The following KAZN variants were observed in gnomAD, a reference collection of about 807,000 sequenced individuals.
KAZN encodes the protein kazrin, periplakin interacting protein.
KAZN carries 40 observed loss-of-function variants against 87.4 expected under a neutral mutation model. The observed-to-expected ratio is 0.46, with a 90% CI of 0.36 to 0.60. The LOEUF (loss-of-function observed/expected upper bound fraction) is 0.60, where lower values mean the gene tolerates loss of function less well. KAZN is among the 20% of genes least tolerant of loss of function. KAZN has a pLI of 0.00. For synonymous variants in KAZN, 466 were observed against 458.3 expected (o/e 1.02, Z -0.22); for missense variants, 898 against 1,073.9 (o/e 0.84, Z 2.29).
chr1:14,059,365 C>T (rs1360801835), intron 1 of KAZN, among the ~76,000 whole-genome samples: 1 of 152,176 alleles, frequency 6.6e-6, no homozygotes, highest in Non-Finnish European at 1.5e-5. Context: ...GTGCAAGTCC[C>T]AGAGTCCAGA....
intron 1 of KAZN, among the ~76,000 whole-genome samples, chr1:14,641,517 C>T (rs1680404903): frequency 6.6e-6 from 1 of 152,166 alleles, no homozygotes; most frequent in South Asian, 2.1e-4. Flanking sequence ...CCCACCAGAC[C>T]ATGCCTGCGG....
At chr1:14,353,974 A>G (rs908331076) in intron 2 of KAZN, among the ~76,000 whole-genome samples, 1 of 152,200 alleles carries the variant, frequency 6.6e-6, no homozygotes, top group Non-Finnish European at 1.5e-5. Flanking sequence ...TTCTAAAACA[A>G]TATTTAATAA....
intron 2 of KAZN, among the ~76,000 whole-genome samples, chr1:14,452,987 C>G (rs1667357711): frequency 1.3e-5 from 2 of 151,936 alleles, no homozygotes; most frequent in Non-Finnish European, 2.9e-5. Flanking sequence ...ATGGAGTCTC[C>G]CTCTGTCACC....
intron 2 of KAZN, among the ~76,000 whole-genome samples, chr1:14,269,281 G>GA (rs1244246754): frequency 1.3e-5 from 2 of 151,758 alleles, no homozygotes; most frequent in Admixed American, 6.6e-5. Flanking sequence ...TGGTGAATAG[G>GA]AAAAAAGATG....
intron 1 of KAZN, among the ~76,000 whole-genome samples, chr1:13,961,224 G>A (rs1641737965): frequency 6.6e-6 from 1 of 152,064 alleles, no homozygotes; most frequent in African/African-American, 2.4e-5. Context: ...AAAGGAACTT[G>A]ACTTCTACTG....
chr1:14,623,147 A>G (rs1418877477), intron 1 of KAZN, among the ~76,000 whole-genome samples: 4 of 152,228 alleles, frequency 2.6e-5, no homozygotes, highest in Non-Finnish European at 5.9e-5. Context: ...AATATAAATC[A>G]TTCTGCCATA....
At chr1:14,006,629 T>A (rs1640048200) in intron 1 of KAZN, among the ~76,000 whole-genome samples, 1 of 152,222 alleles carries the variant, frequency 6.6e-6, no homozygotes, top group Non-Finnish European at 1.5e-5. Context: ...CTTGGTGCCC[T>A]GGTTGAAAAT....
rs1481082333 is a variant in KAZN at position 14,996,264 on chromosome 1, G to A, written c.418+35389G>A. The stretch of plus-strand genomic sequence containing the variant: ...GCCTTTCTCTTTCTTGTTCCCGTGT[G>A]TCTCTGTCCACCCAGACCAGCAAGC... On this transcript the variant is annotated intron_variant, in intron 2 of 14. Coordinates refer to ENST00000376030, the MANE Select transcript of KAZN (RefSeq NM_201628.3). This position sits in a 1 kb window ranked among gnomAD's most constrained non-coding sequence, Gnocchi z 5.9. 6.6e-6 allele frequency among the ~76,000 whole-genome samples: 1 copy of A among 152,096 alleles called. No homozygotes were observed. The highest frequency in any genetic ancestry group is 2.4e-5 in the African/African-American group (1 of 41,420).
chr1:14,589,814 G>A (rs1002142792), intron 2 of KAZN, among the ~76,000 whole-genome samples: 3 of 152,058 alleles, frequency 2.0e-5, no homozygotes, highest in Non-Finnish European at 4.4e-5. Context: ...CATATTTGGG[G>A]GAGAAAGTAC....
intron 2 of KAZN, among the ~76,000 whole-genome samples, chr1:14,421,031 A>G (rs1016908493): frequency 1.3e-5 from 2 of 152,196 alleles, no homozygotes; most frequent in African/African-American, 2.4e-5. Flanking sequence ...GTGGGCGCCG[A>G]GGCCAAGGAG....
At chr1:14,642,188 G>T (rs57431148) in intron 1 of KAZN, among the ~76,000 whole-genome samples, 1 of 152,020 alleles carries the variant, frequency 6.6e-6, no homozygotes, top group African/African-American at 2.4e-5. Context: ...TGACAAGCTC[G>T]GGAGATCGAG....
intron 2 of KAZN, among the ~76,000 whole-genome samples, chr1:14,366,240 C>T (rs1659985352): frequency 6.6e-6 from 1 of 152,178 alleles, no homozygotes. Flanking sequence ...TTATTTTTGT[C>T]TATGGCTCTT....
intron 2 of KAZN, among the ~76,000 whole-genome samples, chr1:14,298,498 A>G (rs1024498516): frequency 5.3e-5 from 8 of 152,112 alleles, no homozygotes; most frequent in African/African-American, 1.4e-4. Context: ...TTTGTAAACC[A>G]TTTCTCCTAC....
intron 2 of KAZN, among the ~76,000 whole-genome samples, chr1:14,301,338 G>T (rs1465619045): frequency 1.3e-5 from 2 of 152,252 alleles, no homozygotes; most frequent in Non-Finnish European, 2.9e-5. Flanking sequence ...CTGTACAAGT[G>T]TGGCTCTCCC....
intron 1 of KAZN, among the ~76,000 whole-genome samples, chr1:14,780,601 T>C (rs1229071359): frequency 6.6e-6 from 1 of 152,218 alleles, no homozygotes; most frequent in Non-Finnish European, 1.5e-5. Flanking sequence ...ATGCTATAAA[T>C]AAACCTCTTA....
chr1:14,094,573 C>T (rs1234310037), intron 1 of KAZN, among the ~76,000 whole-genome samples: 2 of 152,032 alleles, frequency 1.3e-5, no homozygotes, highest in African/African-American at 2.4e-5. Context: ...TACTAATAGA[C>T]AAAAATTTCC....
At chr1:14,752,481 T>C (rs1644439734) in intron 1 of KAZN, among the ~76,000 whole-genome samples, 1 of 152,124 alleles carries the variant, frequency 6.6e-6, no homozygotes, top group South Asian at 2.1e-4. Context: ...CTCTCATAGC[T>C]CTGGAGGCTG....
intron 2 of KAZN, among the ~76,000 whole-genome samples, chr1:14,478,491 G>A (rs746198746): frequency 1.3e-5 from 2 of 152,154 alleles, no homozygotes; most frequent in Non-Finnish European, 2.9e-5. Flanking sequence ...TCACTATTTT[G>A]TTTCCTTCCA....
Position 14,565,170 on chromosome 1 carries a change from T to C in KAZN, c.250-33813T>C, listed in dbSNP as rs568398999. ...TAATTGTAGCATCCTTTCCTCTCCC[T>C]CCCTGCCCTTCCTTAGAAGTCAGGC... On this transcript the variant is annotated intron_variant, in intron 2 of 16. Transcript: ENST00000636203. Among the ~76,000 whole-genome samples the C allele has an allele frequency of 4.8e-4, 73 of 152,280 alleles. 1 individual carries two copies. The highest frequency in any genetic ancestry group is 1.5e-3 in the African/African-American group (63 of 41,554).
Sources: allele counts gnomAD v4.1 joint callset (sites outside exome capture counted in the v4.1 genomes callset), GRCh38; gene constraint gnomAD v4.1.1; non-coding constraint Gnocchi (gnomAD v3.1); transcripts MANE v1.5; gene names NCBI Gene and HGNC (gene_info 2026-07-23, HGNC 2026-07-21).